The following CDC42 variants were observed in gnomAD, a reference collection of about 807,000 sequenced individuals.
The protein encoded by CDC42 is cell division control protein 42 homolog.
A neutral mutation model predicts 20.8 loss-of-function variants in CDC42; 1 was observed. That is an observed-to-expected ratio of 0.05 (90% CI 0.02 to 0.23). The LOEUF is 0.23. Ranked by LOEUF, CDC42 falls within the 10% of genes least tolerant of loss-of-function variation. The pLI is 1.00. For synonymous variants in CDC42, 72 were observed against 84.8 expected (o/e 0.85, Z 0.83); for missense variants, 49 against 227.9 (o/e 0.21, Z 5.05).
chr1:22,058,808 AT>A (rs917063224), intron 1 of CDC42, among the ~76,000 whole-genome samples: 2 of 150,890 alleles, frequency 1.3e-5, no homozygotes, highest in African/African-American at 2.4e-5. Flanking sequence ...CGAATTACGT[AT>A]TTTTTAATTT....
In CDC42 at chr1:22,093,461, A is replaced by G. The variant is rs1314975280; in HGVS notation, c.*1944A>G. On this transcript the variant is annotated 3_prime_UTR_variant, in exon 6 of 6. Coordinates refer to ENST00000656825, the MANE Select transcript of CDC42 (RefSeq NM_001791.4). Reference sequence around the variant, plus strand: ...TGTGCTGCGAATCTGAATATGGGATACATTTTCTTTAGGTAGCAAGAAAGG... The same window carrying G: ...TGTGCTGCGAATCTGAATATGGGATGCATTTTCTTTAGGTAGCAAGAAAGG... 1.3e-5 allele frequency among the ~76,000 whole-genome samples: 2 copies of G among 152,254 alleles called. No individual in the cohort carries two copies. Among genetic ancestry groups the G allele is most frequent in the African/African-American group, 2.4e-5 (1 of 41,472 alleles).
At chr1:22,084,914 T>C (rs1366144286) in intron 3 of CDC42, among the ~76,000 whole-genome samples, 1 of 152,148 alleles carries the variant, frequency 6.6e-6, no homozygotes, top group African/African-American at 2.4e-5. Flanking sequence ...TACCACTGAA[T>C]GGTCTTGGCA....
chr1:22,061,132 C>T (rs1645357911), intron 1 of CDC42, among the ~76,000 whole-genome samples: 1 of 152,178 alleles, frequency 6.6e-6, no homozygotes, highest in South Asian at 2.1e-4. Context: ...CCCAGCCGGG[C>T]AGAGTGGCTC....
At chr1:22,054,854 T>C (rs1239669397) in intron 1 of CDC42, among the ~76,000 whole-genome samples, 2 of 144,840 alleles carry the variant, frequency 1.4e-5, no homozygotes, top group Non-Finnish European at 3.0e-5. Context: ...TCAATTTGTA[T>C]CTTTCCTTTT....
chr1:22,089,090 G>T (rs1645690721), intron 5 of CDC42, among the ~76,000 whole-genome samples: 1 of 152,130 alleles, frequency 6.6e-6, no homozygotes, highest in Non-Finnish European at 1.5e-5. Context: ...GGATCAAACT[G>T]ATCAAACTAA....
At chr1:22,061,381 C>T (rs11808086) in intron 1 of CDC42, among the ~76,000 whole-genome samples, 2 of 142,028 alleles carry the variant, frequency 1.4e-5, no homozygotes, top group Non-Finnish European at 3.0e-5. Context: ...GCACTTCAGT[C>T]TGAGTAACAA....
intron 1 of CDC42, among the ~76,000 whole-genome samples, chr1:22,071,353 A>C (rs376215405): frequency 6.6e-6 from 1 of 152,102 alleles, no homozygotes; most frequent in Non-Finnish European, 1.5e-5. Flanking sequence ...CGGAACAAGC[A>C]TTTCTAACAA....
intron 1 of CDC42, chr1:22,059,128 A>AT (rs562685088): frequency 0.028 from 3,976 of 142,478 alleles, 161 homozygotes; most frequent in African/African-American, 0.09. Context: ...CCGGGCCTTA[A>AT]TTTTTTTTTT....
intron 1 of CDC42, among the ~76,000 whole-genome samples, chr1:22,061,666 C>G (rs957653286): frequency 2.8e-5 from 4 of 145,162 alleles, no homozygotes; most frequent in Non-Finnish European, 6.0e-5. Context: ...GCCTCACCCT[C>G]CTGAGTAGCT....
Position 22,095,834 on chromosome 1 carries a change from T to C in CDC42, c.*4317T>C, listed in dbSNP as rs1166659727. Among the ~76,000 whole-genome samples, 1 of 152,196 alleles carries C rather than the reference T, an allele frequency of 6.6e-6. No individual in the cohort carries two copies. The highest frequency in any genetic ancestry group is 1.5e-5 in the Non-Finnish European group (1 of 68,042). On this transcript the variant is annotated 3_prime_UTR_variant, in exon 6 of 6. Transcript: ENST00000656825. ...GGCTGCTTGAGTGTGGACTTGCTTA[T>C]GGTGGGCCAAAGAGGGGCAAGGGAA...
At chr1:22,060,437 G>C (rs16826283) in intron 1 of CDC42, among the ~76,000 whole-genome samples, 4,440 of 152,236 alleles carry the variant, frequency 0.029, 105 homozygotes, top group African/African-American at 0.062. Flanking sequence ...GATTAAACCA[G>C]AGGGAGATGG....
chr1:22,095,253 C>T lies in CDC42; in HGVS notation c.*3736C>T, dbSNP rs907603603. 2.6e-5 allele frequency among the ~76,000 whole-genome samples: 4 copies of T among 151,868 alleles called. No individual in the cohort carries two copies. The highest frequency in any genetic ancestry group is 9.7e-5 in the African/African-American group (4 of 41,358). ...ACATGGCCCAATCATGTTTTCTTTC[C>T]AGGGCTGCTTGAATGCTTGAATACT... On this transcript the variant is annotated 3_prime_UTR_variant, in exon 6 of 6. Transcript: ENST00000656825.
chr1:22,063,785 A>G (rs972957070), intron 1 of CDC42, among the ~76,000 whole-genome samples: 2 of 152,154 alleles, frequency 1.3e-5, no homozygotes, highest in African/African-American at 4.8e-5. Flanking sequence ...CAGTGATGCC[A>G]TCATGGCTCA....
chr1:22,064,481 G>A (rs1005667495), intron 1 of CDC42, among the ~76,000 whole-genome samples: 2 of 151,830 alleles, frequency 1.3e-5, no homozygotes, highest in African/African-American at 2.4e-5. Context: ...TAGTCGAGAC[G>A]GGTTTTGCCA....
chr1:22,068,722 T>C (rs1645450383), intron 1 of CDC42: 1 of 152,386 alleles, frequency 6.6e-6, no homozygotes. Flanking sequence ...CTAATTTTAT[T>C]TTCTTCCTCT....
In CDC42 at chr1:22,092,013, G is replaced by A. The variant is rs1184921473; in HGVS notation, c.*496G>A. ...TCTTGTTTTTTTAATTCATTAACCA[G>A]TGGTTAGCCCTTAAGGGGAGGAGGA... On this transcript the variant is annotated 3_prime_UTR_variant, in exon 6 of 6. Coordinates refer to ENST00000656825, the MANE Select transcript of CDC42 (RefSeq NM_001791.4). 6.6e-6 allele frequency: 1 copy of A among 152,164 alleles called. No homozygotes were observed. Among genetic ancestry groups the A allele is most frequent in the Non-Finnish European group, 1.5e-5 (1 of 68,024 alleles). The allele number at this position is 152,164 out of a possible 1,614,324, so 9.4% of individuals were successfully genotyped here.
In CDC42 at chr1:22,098,899, CA is replaced by C. The variant is rs1645773351; in HGVS notation, c.*7383del. Among the ~76,000 whole-genome samples, 1 of 152,180 alleles carries C rather than the reference CA, an allele frequency of 6.6e-6. No individual in the cohort carries two copies. Among genetic ancestry groups the C allele is most frequent in the African/African-American group, 2.4e-5 (1 of 41,446 alleles). ...TCAGCCTCCCGAGTAGAAGGTACTACAGGTGTGTGACACCACGCCTGGCTCA... is the reference window on the plus strand; with the variant it reads ...TCAGCCTCCCGAGTAGAAGGTACTACGGTGTGTGACACCACGCCTGGCTCA... On this transcript the variant is annotated 3_prime_UTR_variant, in exon 6 of 6. Coordinates refer to ENST00000656825, the MANE Select transcript of CDC42 (RefSeq NM_001791.4).
chr1:22,085,734 A>ATTTT, intron 3 of CDC42, among the ~76,000 whole-genome samples: 1 of 152,184 alleles, frequency 6.6e-6, no homozygotes, highest in Non-Finnish European at 1.5e-5. Context: ...CCGGTCTTAT[A>ATTTT]TACACGCATT....
Position 22,081,793 on chromosome 1 carries a change from A to C in CDC42, c.177A>C (p.Ala59=), listed in dbSNP as rs1360655567. 6.3e-7 allele frequency: 1 copy of C among 1,581,034 alleles called. No individual in the cohort carries two copies. The highest frequency in any genetic ancestry group is 8.7e-7 in the Non-Finnish European group (1 of 1,150,680). Residue 59 remains alanine, a splice_region_variant and synonymous_variant, in exon 3 of 6, where the codon GCA becomes GCC. Coordinates refer to ENST00000656825, the MANE Select transcript of CDC42 (RefSeq NM_001791.4). ...ATACTCTTGGACTTTTTGATACTGC[A>C]GGTGAAAACTTAATGTCTTTTATAC... ...EPYTLGLFDT[A]GQEDYDRLRP...
Sources: gnomAD v4.1 joint callset for allele counts (sites outside exome capture counted in the v4.1 genomes callset) on GRCh38, gnomAD v4.1.1 for gene constraint, MANE v1.5 for transcripts, NCBI Gene and HGNC (gene_info 2026-07-23, HGNC 2026-07-21) for gene names.